Variants in NSD1 observed in about 807,000 individuals in gnomAD.
NSD1 encodes the protein nuclear receptor binding SET domain protein 1.
A neutral mutation model predicts 242.7 loss-of-function variants in NSD1; 26 were observed. The ratio of observed to expected loss-of-function variants is 0.11; its 90% CI spans 0.08 to 0.15. The LOEUF is 0.15. NSD1 is among the 10% of genes least tolerant of loss of function. The pLI is 1.00. For missense variants in NSD1, 2,495 were observed against 3,272.8 expected (o/e 0.76, Z 5.80); for synonymous variants, 1,106 against 1,178.1 (o/e 0.94, Z 1.25).
At chr5:177,170,208 G>A (rs1759574632) in intron 2 of NSD1, among the ~76,000 whole-genome samples, 1 of 151,840 alleles carries the variant, frequency 6.6e-6, no homozygotes, top group Admixed American at 6.6e-5. Flanking sequence ...TCCTGACCTC[G>A]TGATCTGCCC....
At chr5:177,275,412 T>TGATTC (rs1216966120) in intron 17 of NSD1, among the ~76,000 whole-genome samples, 1 of 150,686 alleles carries the variant, frequency 6.6e-6, no homozygotes, top group Non-Finnish European at 1.5e-5. Flanking sequence ...TGCTTATATG[T>TGATTC]GATTCCATTG....
intron 20 of NSD1, among the ~76,000 whole-genome samples, chr5:177,284,610 G>A (rs757423843): frequency 3.3e-5 from 5 of 152,160 alleles, no homozygotes; most frequent in Non-Finnish European, 7.3e-5. Flanking sequence ...TTAGCACAGT[G>A]TCTTCGGAAC....
intron 11 of NSD1, among the ~76,000 whole-genome samples, chr5:177,250,078 T>C (rs1191624999): frequency 2.0e-5 from 3 of 152,176 alleles, no homozygotes; most frequent in Non-Finnish European, 4.4e-5. Context: ...TGAGACCCTA[T>C]CTCACAAATA....
At chr5:177,193,895 A>G (rs1462057499) in intron 3 of NSD1, among the ~76,000 whole-genome samples, 1 of 151,948 alleles carries the variant, frequency 6.6e-6, no homozygotes. Flanking sequence ...CTCCTGCCTC[A>G]GCCTCCAGAG....
chr5:177,242,087 G>A (rs1765918093), intron 8 of NSD1, among the ~76,000 whole-genome samples: 1 of 151,586 alleles, frequency 6.6e-6, no homozygotes, highest in South Asian at 2.1e-4. Context: ...GTGTGTGCAT[G>A]TGTGTGTGTG....
At chr5:177,265,782 A>G in intron 14 of NSD1, 1 of 1,450,666 alleles carries the variant, frequency 6.9e-7, no homozygotes, top group South Asian at 1.1e-5. Flanking sequence ...ATGGTGGAGA[A>G]GCCGGTCCCT....
intron 12 of NSD1, among the ~76,000 whole-genome samples, chr5:177,253,207 T>C (rs76333477): frequency 2.6e-5 from 4 of 152,150 alleles, no homozygotes; most frequent in Admixed American, 2.6e-4. Context: ...ACATAACTTC[T>C]TGAAGAAACT....
rs1760379818 is a variant in NSD1 at position 177,298,346 on chromosome 5, C to T, written c.*2887C>T. On this transcript the variant is annotated 3_prime_UTR_variant, in exon 23 of 23. Coordinates refer to ENST00000439151, the MANE Select transcript of NSD1 (RefSeq NM_022455.5). ...AGCCAGCTCCCCAGGAGGCCTTTTC[C>T]AGGGACAAGGCAAAAGTTGAAATTC... The T allele has an allele frequency of 4.3e-6, 1 of 233,064 alleles. No homozygotes were observed. The highest frequency in any genetic ancestry group is 5.6e-5 in the Admixed American group (1 of 17,776). The allele number at this position is 233,064 out of a possible 1,614,324, so 14.4% of individuals were successfully genotyped here.
At position 177,238,141 on chromosome 5, in the gene NSD1, T is replaced by C; in HGVS notation, c.3922-96T>C. The stretch of plus-strand genomic sequence containing the variant: ...GTTCATCCACTTTTTGTAGCCTTTG[T>C]CAGAATTTCATTCCTTTTAAAGTGT... On this transcript the variant is annotated intron_variant, in intron 6 of 22. Coordinates refer to ENST00000439151, the MANE Select transcript of NSD1 (RefSeq NM_022455.5). The surrounding 1 kb of genome is among the most constrained non-coding windows in gnomAD (Gnocchi z 4.6). 1 of 1,394,494 alleles carries C rather than the reference T, an allele frequency of 7.2e-7. No homozygotes were observed. The highest frequency in any genetic ancestry group is 2.3e-5 in the East Asian group (1 of 43,896). 86.4% of individuals were successfully genotyped at this position (1,394,494 alleles called of 1,614,324 possible).
chr5:177,201,770 G>A (rs1299060067), intron 3 of NSD1, among the ~76,000 whole-genome samples: 2 of 151,384 alleles, frequency 1.3e-5, no homozygotes, highest in East Asian at 3.9e-4. Context: ...TGTTGGCCAG[G>A]TTGGTCTTGA....
In NSD1 at chr5:177,217,714, A is replaced by T. The variant is rs555604681; in HGVS notation, c.3796+5519A>T. 8.8e-4 allele frequency among the ~76,000 whole-genome samples: 118 copies of T among 134,476 alleles called. 1 individual carries two copies. The South Asian group carries it at 0.026, about 29-fold the overall frequency. 88.2% of individuals were successfully genotyped at this position (134,476 alleles called of 152,430 possible). On this transcript the variant is annotated intron_variant, in intron 5 of 22. Transcript: ENST00000439151. ...CAGAGTTTCATTCTTGGTGTCCATGATGGAGTGCAGTGGCGCGATCTCGGC... is the reference window on the plus strand; with the variant it reads ...CAGAGTTTCATTCTTGGTGTCCATGTTGGAGTGCAGTGGCGCGATCTCGGC...
intron 14 of NSD1, chr5:177,265,792 T>C: frequency 7.0e-7 from 1 of 1,420,704 alleles, no homozygotes. Flanking sequence ...AGCCGGTCCC[T>C]CCGGTCCTCT....
Position 177,158,293 on chromosome 5 carries a change from C to CTTTTCTTTTCT in NSD1, c.927+22266_927+22267insTCTTTTCTTTT, listed in dbSNP as rs59738936. ...TCTTTCTTTCTTTCTTTCTTTCTTTCTTTCTTTCTTTTCTTTCTTTTCTTT... is the reference window on the plus strand; with the variant it reads ...TCTTTCTTTCTTTCTTTCTTTCTTTCTTTTCTTTTCTTTTCTTTCTTTTCTTTCTTTTCTTT... On this transcript the variant is annotated intron_variant, in intron 2 of 22. Coordinates refer to ENST00000439151, the MANE Select transcript of NSD1 (RefSeq NM_022455.5). Among the ~76,000 whole-genome samples, 463 of 77,758 alleles carry CTTTTCTTTTCT rather than the reference C, an allele frequency of 6.0e-3. 2 individuals are homozygous for CTTTTCTTTTCT. The highest frequency in any genetic ancestry group is 0.013 in the Middle Eastern group (2 of 158). 51.0% of individuals were successfully genotyped at this position (77,758 alleles called of 152,430 possible). A position where few individuals can be genotyped will look rare whatever the true frequency, so the allele number is the denominator to read the frequency against.
intron 2 of NSD1, among the ~76,000 whole-genome samples, chr5:177,137,680 C>T (rs1756453595): frequency 6.6e-6 from 1 of 151,832 alleles, no homozygotes; most frequent in Non-Finnish European, 1.5e-5. Flanking sequence ...TGTTTTTGCA[C>T]ATAAATTTAA....
At chr5:177,139,920 G>A (rs1285924988) in intron 2 of NSD1, among the ~76,000 whole-genome samples, 1 of 150,670 alleles carries the variant, frequency 6.6e-6, no homozygotes, top group African/African-American at 2.5e-5. Flanking sequence ...TTCCAGCCTA[G>A]GCAACAGAGC....
chr5:177,207,593 ATTTTTTTTTTT>A lies in NSD1; in HGVS notation c.1237-2024_1237-2014del, dbSNP rs150492535. Among the ~76,000 whole-genome samples the A allele has an allele frequency of 4.1e-3, 317 of 78,228 alleles. 3 individuals are homozygous for A. Among genetic ancestry groups the A allele is most frequent in the African/African-American group, 0.021 (299 of 14,188 alleles). 51.3% of individuals were successfully genotyped at this position (78,228 alleles called of 152,430 possible). A position where few individuals can be genotyped will look rare whatever the true frequency, so the allele number is the denominator to read the frequency against. On this transcript the variant is annotated intron_variant, in intron 4 of 22. Transcript: ENST00000439151. Reference sequence around the variant, plus strand: ...CACCGTGCCTGGCCTATTTATTTAAATTTTTTTTTTTTTTTTTTTTTTTTTTTTTAGAGAAG... The same window carrying A: ...CACCGTGCCTGGCCTATTTATTTAAATTTTTTTTTTTTTTTTTTAGAGAAG...
chr5:177,206,706 G>T (rs988337575), intron 4 of NSD1, among the ~76,000 whole-genome samples: 1 of 152,172 alleles, frequency 6.6e-6, no homozygotes, highest in Non-Finnish European at 1.5e-5. Flanking sequence ...TCAGCTGGTT[G>T]CTGATAGGGA....
chr5:177,167,548 A>T (rs1357587087), intron 2 of NSD1, among the ~76,000 whole-genome samples: 2 of 151,976 alleles, frequency 1.3e-5, no homozygotes, highest in Non-Finnish European at 2.9e-5. Context: ...AAAAAAAAAA[A>T]TATATTTGTG....
At chr5:177,187,809 T>A (rs548737462) in intron 2 of NSD1, among the ~76,000 whole-genome samples, 1 of 152,294 alleles carries the variant, frequency 6.6e-6, no homozygotes, top group South Asian at 2.1e-4. Context: ...CCCTTGTGAC[T>A]TCATCTGGAT....
Sources: gnomAD v4.1 joint callset for allele counts (sites outside exome capture counted in the v4.1 genomes callset) on GRCh38, gnomAD v4.1.1 for gene constraint, Gnocchi (gnomAD v3.1) non-coding constraint, MANE v1.5 for transcripts, NCBI Gene and HGNC (gene_info 2026-07-23, HGNC 2026-07-21) for gene names.